S100PBP: variants seen among roughly 807,000 people sequenced by gnomAD.
S100PBP encodes S100P-binding protein.
Under a neutral mutation model 39.9 loss-of-function variants are expected in S100PBP, and 15 were observed. The ratio of observed to expected loss-of-function variants is 0.38; its 90% confidence interval spans 0.25 to 0.58. The LOEUF (loss-of-function observed/expected upper bound fraction) is 0.58. Ranked by LOEUF, S100PBP falls within the 20% of genes least tolerant of loss-of-function variation. The pLI, the probability that S100PBP is intolerant of heterozygous loss-of-function variation, is 0.70. For synonymous variants in S100PBP, 178 were observed against 180.3 expected (o/e 0.99, Z 0.10); for missense variants, 504 against 487.3 (o/e 1.03, Z -0.32).
intron 1 of S100PBP, among the ~76,000 whole-genome samples, chr1:32,822,082 G>C (rs1300550641): frequency 6.6e-6 from 1 of 152,052 alleles, no homozygotes; most frequent in Non-Finnish European, 1.5e-5. Flanking sequence ...TATGACATAA[G>C]ATAATTGGAA....
rs546573815 is a variant in S100PBP at position 32,858,751 on chromosome 1, ATTTACTGGCGTTGTCAGT to A, written c.*2716_*2733del. The A allele has an allele frequency of 1.4e-4, 21 of 152,272 alleles. No homozygotes were observed. The highest frequency in any genetic ancestry group is 4.6e-4 in the African/African-American group (19 of 41,570). 9.4% of individuals were successfully genotyped at this position (152,272 alleles called of 1,614,324 possible). On this transcript the variant is annotated 3_prime_UTR_variant, in exon 7 of 7. Transcript: ENST00000373475. ...CCTGTAGTTTCGAATGCAGGCCCTG[ATTTACTGGCGTTGTCAGT>A]TTCAATTATGAAACTGAAGTTTGGT...
intron 5 of S100PBP, among the ~76,000 whole-genome samples, chr1:32,842,221 G>GTGTATA (rs761782431): frequency 2.8e-4 from 26 of 91,758 alleles, no homozygotes; most frequent in African/African-American, 7.3e-4. Context: ...ATATATATAT[G>GTGTATA]TATATATATA....
chr1:32,822,811 G>C (rs1639144270), intron 1 of S100PBP, among the ~76,000 whole-genome samples: 1 of 152,098 alleles, frequency 6.6e-6, no homozygotes, highest in Non-Finnish European at 1.5e-5. Context: ...ATGTCATGTT[G>C]TGTAGGAATT....
upstream of S100PBP, chr1:32,817,581 T>G: frequency 2.1e-6 from 1 of 483,004 alleles, no homozygotes; most frequent in Non-Finnish European, 3.8e-6. Flanking sequence ...CCCCCTGGTG[T>G]TGGCCCGGCT....
At chr1:32,836,807 T>C (rs1250615317) in intron 5 of S100PBP, 2 of 153,524 alleles carry the variant, frequency 1.3e-5, no homozygotes, top group African/African-American at 4.8e-5. Flanking sequence ...GTAGAGGACA[T>C]CCTCTGAGAA....
chr1:32,854,839 A>T (rs964984533), intron 6 of S100PBP, among the ~76,000 whole-genome samples: 2 of 152,194 alleles, frequency 1.3e-5, no homozygotes, highest in African/African-American at 4.8e-5. Flanking sequence ...TGTCAAAATC[A>T]TAGCATTTCT....
At chr1:32,826,032 TAG>T in intron 2 of S100PBP, 64 bp from the exon 3 acceptor site, 1 of 1,066,018 alleles carries the variant, frequency 9.4e-7, no homozygotes. Flanking sequence ...TACCCACATA[TAG>T]TGGACTGGAG....
intron 5 of S100PBP, among the ~76,000 whole-genome samples, chr1:32,839,166 A>G (rs1040820314): frequency 6.6e-6 from 1 of 152,172 alleles, no homozygotes; most frequent in East Asian, 1.9e-4. Flanking sequence ...GACAACCACC[A>G]TTCCACTTTA....
rs1021267281 is a variant in S100PBP at position 32,827,932 on chromosome 1, T to C, written c.832-61T>C. ...AAAAATATTTCCATAAATAGTGTTT[T>C]CAGTGCTTTTCTTATAACTAAGAAT... On this transcript the variant is annotated intron_variant, in intron 3 of 6. Coordinates refer to ENST00000373475, the MANE Select transcript of S100PBP (RefSeq NM_022753.4). 4.3e-6 allele frequency: 5 copies of C among 1,149,720 alleles called. No individual in the cohort carries two copies. The Admixed American group carries it at 5.5e-5, about 13-fold the overall frequency. The allele number at this position is 1,149,720 out of a possible 1,614,324, so 71.2% of individuals were successfully genotyped here. A position where few individuals can be genotyped will look rare whatever the true frequency, so the allele number is the denominator to read the frequency against.
rs1252960459 is a variant in S100PBP, at chr1:32,856,369, C to A, written c.*331C>A. Reference sequence around the variant, plus strand: ...CACCCAGGTTCAAGCAAAAGACCCACCTCTCTGCAGAGGCAAAGTCTACTT... The same window carrying A: ...CACCCAGGTTCAAGCAAAAGACCCAACTCTCTGCAGAGGCAAAGTCTACTT... On this transcript the variant is annotated 3_prime_UTR_variant, in exon 7 of 7. Coordinates refer to ENST00000373475, the MANE Select transcript of S100PBP (RefSeq NM_022753.4). The A allele has an allele frequency of 5.8e-6, 1 of 171,224 alleles. No individual in the cohort carries two copies. Among genetic ancestry groups the A allele is most frequent in the Non-Finnish European group, 1.3e-5 (1 of 79,410 alleles). The allele number at this position is 171,224 out of a possible 1,614,324, so 10.6% of individuals were successfully genotyped here.
intron 6 of S100PBP, 140 bp from the exon 7 acceptor site, chr1:32,855,784 T>G: frequency 1.8e-6 from 1 of 548,358 alleles, no homozygotes. Context: ...TCTAAAATTG[T>G]GAGAATTGAA....
At chr1:32,842,370 C>T (rs1361378652) in intron 5 of S100PBP, among the ~76,000 whole-genome samples, 3 of 150,368 alleles carry the variant, frequency 2.0e-5, no homozygotes, top group South Asian at 2.1e-4. Context: ...TGCCTTTGTA[C>T]CTTTGTCAAA....
chr1:32,851,942 C>A (rs1239990912), intron 5 of S100PBP, among the ~76,000 whole-genome samples: 1 of 152,128 alleles, frequency 6.6e-6, no homozygotes, highest in African/African-American at 2.4e-5. Flanking sequence ...GAGTTTTAGC[C>A]TAAGTCTCAA....
Position 32,842,104 on chromosome 1 carries a change from G to A in S100PBP, c.1025-10975G>A, listed in dbSNP as rs999598894. Among the ~76,000 whole-genome samples the A allele has an allele frequency of 2.1e-5, 3 of 143,768 alleles. No individual in the cohort carries two copies. The Admixed American group carries it at 2.1e-4, about 10-fold the overall frequency. The allele number at this position is 143,768 out of a possible 152,430, so 94.3% of individuals were successfully genotyped here. ...CTCAGAAGGCTAAGGCAGGAGGATT[G>A]CTTAAGCCCAGAAGAGGGAGGTTGC... On this transcript the variant is annotated intron_variant, in intron 5 of 6. Transcript: ENST00000373475.
At chr1:32,840,021 G>A (rs1360617929) in intron 5 of S100PBP, among the ~76,000 whole-genome samples, 1 of 152,134 alleles carries the variant, frequency 6.6e-6, no homozygotes, top group Non-Finnish European at 1.5e-5. Flanking sequence ...GTCTTGCTCT[G>A]TTGCTCAGGC....
chr1:32,822,763 C>T (rs1639142226), intron 1 of S100PBP, among the ~76,000 whole-genome samples: 1 of 151,896 alleles, frequency 6.6e-6, no homozygotes. Flanking sequence ...TCTATTGGAA[C>T]ATAAGAAGCT....
upstream of S100PBP, chr1:32,817,134 C>A: frequency 6.2e-7 from 1 of 1,609,448 alleles, no homozygotes; most frequent in South Asian, 1.1e-5. Flanking sequence ...CTCAAAATCA[C>A]TGAACCTCGG....
intron 5 of S100PBP, among the ~76,000 whole-genome samples, chr1:32,850,467 G>T (rs1640563717): frequency 6.6e-6 from 1 of 152,136 alleles, no homozygotes; most frequent in Admixed American, 6.5e-5. Flanking sequence ...AGCAGGTAAG[G>T]AATTTTCTAA....
chr1:32,847,428 A>C (rs1640427547), intron 5 of S100PBP: 1 of 152,142 alleles, frequency 6.6e-6, no homozygotes, highest in African/African-American at 2.4e-5. Flanking sequence ...TTGTTTCATA[A>C]TTTTGCCTAG....
Sources: gnomAD v4.1 joint callset for allele counts (sites outside exome capture counted in the v4.1 genomes callset) on GRCh38, gnomAD v4.1.1 for gene constraint, MANE v1.5 for transcripts, NCBI Gene and HGNC (gene_info 2026-07-23, HGNC 2026-07-21) for gene names.